Variants in TRDN observed in about 807,000 individuals in gnomAD.
TRDN encodes the protein triadin.
Under a neutral mutation model 149.7 loss-of-function variants are expected in TRDN, and 161 were observed. That is an observed-to-expected ratio of 1.08 (90% CI 0.95 to 1.23). The LOEUF (loss-of-function observed/expected upper bound fraction) is 1.23, where lower values mean the gene tolerates loss of function less well. TRDN is among the 50% of genes most tolerant of loss of function. TRDN has a pLI of 0.00. For missense variants in TRDN, 896 were observed against 823.5 expected (o/e 1.09, Z -1.08); for synonymous variants, 294 against 250.5 (o/e 1.17, Z -1.64).
chr6:123,244,476 A>G (rs373824056), intron 38 of TRDN, among the ~76,000 whole-genome samples: 8 of 152,198 alleles, frequency 5.3e-5, no homozygotes, highest in African/African-American at 1.9e-4. Context: ...CAAACTGATC[A>G]GAAGAAGAAA....
chr6:123,592,732 A>T (rs1395506565), intron 1 of TRDN, among the ~76,000 whole-genome samples: 1 of 152,212 alleles, frequency 6.6e-6, no homozygotes, highest in African/African-American at 2.4e-5. Flanking sequence ...CTGATTCAGT[A>T]AAATAGGCTT....
At chr6:123,351,557 T>C in intron 21 of TRDN, 1 of 981,438 alleles carries the variant, frequency 1.0e-6, no homozygotes, top group Non-Finnish European at 1.2e-6. Context: ...GGGATTTTAT[T>C]TTGAAAAGCC....
At chr6:123,368,923 C>G (rs1224872616) in intron 19 of TRDN, among the ~76,000 whole-genome samples, 9 of 152,154 alleles carry the variant, frequency 5.9e-5, no homozygotes, top group African/African-American at 2.2e-4. Flanking sequence ...TTAAATCACT[C>G]ACGTATTTTC....
intron 10 of TRDN, among the ~76,000 whole-genome samples, chr6:123,454,642 G>A (rs1291943816): frequency 6.6e-6 from 1 of 152,164 alleles, no homozygotes; most frequent in East Asian, 1.9e-4. Flanking sequence ...TAGGAACTAG[G>A]GTGCACAGCA....
chr6:123,367,709 T>C (rs567445918), intron 19 of TRDN, among the ~76,000 whole-genome samples: 3 of 152,210 alleles, frequency 2.0e-5, no homozygotes, highest in Non-Finnish European at 2.9e-5. Context: ...TTGAAACAGA[T>C]GCTGAGCGCA....
intron 20 of TRDN, among the ~76,000 whole-genome samples, chr6:123,363,462 G>A (rs1268018610): frequency 1.3e-5 from 2 of 152,122 alleles, no homozygotes; most frequent in African/African-American, 2.4e-5. Flanking sequence ...GCTTTGAAAA[G>A]GACACTTATT....
chr6:123,379,378 G>A (rs956314619), intron 16 of TRDN, among the ~76,000 whole-genome samples: 1 of 152,136 alleles, frequency 6.6e-6, no homozygotes. Context: ...TCAAAAAGAA[G>A]AAGCTATGAC....
At chr6:123,340,498 A>G (rs994014258) in intron 21 of TRDN, among the ~76,000 whole-genome samples, 1 of 152,094 alleles carries the variant, frequency 6.6e-6, no homozygotes, top group African/African-American at 2.4e-5. Flanking sequence ...GAAATTGGAA[A>G]GTGTAAAGGA....
chr6:123,284,092 C>A lies in TRDN; in HGVS notation c.1511-5010G>T, dbSNP rs74747820. On this transcript the variant is annotated intron_variant, in intron 24 of 40. Transcript: ENST00000334268. The stretch of plus-strand genomic sequence containing the variant: ...AATGCACTAACTCTTGCCCCCCCCC[C>A]AAAAATTGGTACCAATTCTGTTGAC... 3.6e-3 allele frequency among the ~76,000 whole-genome samples: 471 copies of A among 132,000 alleles called. 26 individuals carry two copies. In the East Asian group the frequency reaches 0.088, roughly 25 times the overall value. 86.6% of individuals were successfully genotyped at this position (132,000 alleles called of 152,430 possible).
intron 1 of TRDN, among the ~76,000 whole-genome samples, chr6:123,609,461 T>G (rs909079377): frequency 2.6e-5 from 4 of 152,188 alleles, no homozygotes; most frequent in Non-Finnish European, 5.9e-5. Flanking sequence ...TTTTCTGTAC[T>G]TTCTTACTTT....
chr6:123,518,145 A>G (rs1229364830), intron 5 of TRDN, among the ~76,000 whole-genome samples: 1 of 152,180 alleles, frequency 6.6e-6, no homozygotes, highest in African/African-American at 2.4e-5. Context: ...ATTTATTGAA[A>G]TTTCTCAAAT....
intron 4 of TRDN, among the ~76,000 whole-genome samples, chr6:123,546,467 T>C (rs952522701): frequency 4.0e-4 from 61 of 152,178 alleles, no homozygotes; most frequent in African/African-American, 1.5e-3. Flanking sequence ...CAGTAGGTAT[T>C]AGGAGAGAGC....
At chr6:123,552,481 T>C (rs1781448747) in intron 2 of TRDN, among the ~76,000 whole-genome samples, 2 of 152,146 alleles carry the variant, frequency 1.3e-5, no homozygotes, top group Non-Finnish European at 2.9e-5. Flanking sequence ...TTATTTTTCA[T>C]ATCCTGAGAA....
chr6:123,457,319 C>G (rs1322749967), intron 10 of TRDN, among the ~76,000 whole-genome samples: 2 of 152,096 alleles, frequency 1.3e-5, no homozygotes, highest in African/African-American at 4.8e-5. Flanking sequence ...GACAGATGCC[C>G]CTATCTATCT....
chr6:123,529,564 C>T (rs750744813), intron 5 of TRDN: 28 of 514,370 alleles, frequency 5.4e-5, no homozygotes, highest in Admixed American at 2.1e-4. Context: ...TATAAATTCA[C>T]GTGCTAGTAT....
intron 31 of TRDN, among the ~76,000 whole-genome samples, chr6:123,269,482 C>T (rs1777129790): frequency 6.6e-6 from 1 of 151,926 alleles, no homozygotes. Flanking sequence ...TTCCAACCTA[C>T]CTTAACTTAC....
At chr6:123,351,831 T>C (rs1474389458) in intron 21 of TRDN, 4 of 967,690 alleles carry the variant, frequency 4.1e-6, no homozygotes, top group East Asian at 2.3e-4. Flanking sequence ...AGCAATGACA[T>C]GAGGGAACGA....
At chr6:123,277,216 T>C (rs1394934087) in intron 26 of TRDN, among the ~76,000 whole-genome samples, 2 of 152,116 alleles carry the variant, frequency 1.3e-5, no homozygotes, top group African/African-American at 4.8e-5. Context: ...GTAACTGATT[T>C]AGATGATTTA....
intron 35 of TRDN, among the ~76,000 whole-genome samples, chr6:123,257,220 C>T (rs545624227): frequency 2.1e-4 from 32 of 151,974 alleles, no homozygotes; most frequent in Non-Finnish European, 3.2e-4. Flanking sequence ...CCTCGTGATC[C>T]GCCCACATCA....
Sources: gnomAD v4.1 joint callset for allele counts (sites outside exome capture counted in the v4.1 genomes callset) on GRCh38, gnomAD v4.1.1 for gene constraint, MANE v1.5 for transcripts, NCBI Gene and HGNC (gene_info 2026-07-23, HGNC 2026-07-21) for gene names.